Variants in CDH18 observed in about 807,000 individuals in gnomAD.
CDH18 encodes cadherin-18.
A neutral mutation model predicts 67.9 loss-of-function variants in CDH18; 31 were observed. The ratio of observed to expected loss-of-function variants is 0.46; its 90% CI spans 0.34 to 0.62. The LOEUF (loss-of-function observed/expected upper bound fraction) is 0.62, where lower values mean the gene tolerates loss of function less well. Ranked by LOEUF, CDH18 falls within the 20% of genes least tolerant of loss-of-function variation. CDH18 has a pLI of 0.01. For synonymous variants in CDH18, 362 were observed against 347.2 expected, an observed-to-expected ratio of 1.04 and a Z score of -0.48; for missense variants, 890 against 975.5, an observed-to-expected ratio of 0.91 and a Z score of 1.17.
At chr5:20,313,793 G>A (rs570094410) in intron 1 of CDH18, among the ~76,000 whole-genome samples, 1 of 152,064 alleles carries the variant, frequency 6.6e-6, no homozygotes, top group Non-Finnish European at 1.5e-5. Context: ...GTAGTTTACA[G>A]TTTTACACAC....
chr5:19,933,240 C>T (rs1793897876), intron 2 of CDH18, among the ~76,000 whole-genome samples: 1 of 151,532 alleles, frequency 6.6e-6, no homozygotes, highest in African/African-American at 2.4e-5. Flanking sequence ...CACATTTGCC[C>T]ACCTACTTAC....
chr5:19,919,292 C>A (rs1792177738), intron 2 of CDH18, among the ~76,000 whole-genome samples: 1 of 152,080 alleles, frequency 6.6e-6, no homozygotes, highest in Admixed American at 6.6e-5. Flanking sequence ...ATGTATAATA[C>A]ATAGGTCAAC....
chr5:19,953,827 C>T (rs1444599564), intron 2 of CDH18, among the ~76,000 whole-genome samples: 1 of 151,790 alleles, frequency 6.6e-6, no homozygotes, highest in Non-Finnish European at 1.5e-5. Flanking sequence ...TGTTTTCCTG[C>T]TTTAATTTTT....
chr5:19,702,488 G>A (rs574468864), intron 5 of CDH18, among the ~76,000 whole-genome samples: 110 of 151,692 alleles, frequency 7.3e-4, no homozygotes, highest in African/African-American at 2.3e-3. Flanking sequence ...CCTTTCAGCC[G>A]GGCGTGGTGG....
At chr5:20,092,078 C>T (rs1385921902) in intron 2 of CDH18, among the ~76,000 whole-genome samples, 1 of 152,026 alleles carries the variant, frequency 6.6e-6, no homozygotes. Flanking sequence ...AAGGTAATTG[C>T]ATTTTTTTTA....
Position 19,797,647 on chromosome 5 carries a change from T to A in CDH18, c.228+41112A>T, listed in dbSNP as rs137863321. 2.5e-3 allele frequency among the ~76,000 whole-genome samples: 384 copies of A among 152,078 alleles called. 1 individual carries two copies. Among genetic ancestry groups the A allele is most frequent in the Non-Finnish European group, 3.9e-3 (262 of 67,864 alleles). ...TGCACATAATGTTTTATGCACTGAA[T>A]GCTGAAAATTACAAAATACTAATGA... On this transcript the variant is annotated intron_variant, in intron 3 of 12. Transcript: ENST00000382275.
intron 4 of CDH18, among the ~76,000 whole-genome samples, chr5:19,726,357 G>A (rs562137216): frequency 6.6e-6 from 1 of 152,290 alleles, no homozygotes; most frequent in Non-Finnish European, 1.5e-5. Flanking sequence ...TGCACAGGAA[G>A]TCTCACACAA....
At chr5:19,497,978 C>T (rs973033352) in intron 11 of CDH18, among the ~76,000 whole-genome samples, 7 of 152,132 alleles carry the variant, frequency 4.6e-5, no homozygotes, top group African/African-American at 1.7e-4. Flanking sequence ...TTTTTACTTA[C>T]ATCACAGCAA....
chr5:20,522,509 G>A (rs1755809136), intron 1 of CDH18, among the ~76,000 whole-genome samples: 1 of 152,116 alleles, frequency 6.6e-6, no homozygotes, highest in Non-Finnish European at 1.5e-5. Context: ...CAGCAACAGT[G>A]CAGTTACATA....
chr5:20,130,064 T>TTAA, intron 2 of CDH18, among the ~76,000 whole-genome samples: 2 of 55,722 alleles, frequency 3.6e-5, no homozygotes, highest in Non-Finnish European at 1.1e-4. Context: ...GGCAATATTA[T>TTAA]TATTATTATT....
At chr5:20,126,662 A>G (rs1748856492) in intron 2 of CDH18, among the ~76,000 whole-genome samples, 1 of 152,216 alleles carries the variant, frequency 6.6e-6, no homozygotes, top group South Asian at 2.1e-4. Flanking sequence ...GGACTCAAAT[A>G]GACATTTCTC....
At chr5:19,747,338 T>C in intron 3 of CDH18, 102 bp from the exon 4 acceptor site, 1 of 991,068 alleles carries the variant, frequency 1.0e-6, no homozygotes, top group South Asian at 1.6e-5. Flanking sequence ...CTATGACTTT[T>C]CTTCCCTTTA....
chr5:19,997,946 G>C (rs146920558), intron 2 of CDH18, among the ~76,000 whole-genome samples: 67 of 152,216 alleles, frequency 4.4e-4, no homozygotes, highest in African/African-American at 1.4e-3. Flanking sequence ...AGCATGACAG[G>C]GTGTTTAAAG....
chr5:19,813,264 A>G (rs1209724970), intron 3 of CDH18, among the ~76,000 whole-genome samples: 4 of 152,176 alleles, frequency 2.6e-5, no homozygotes, highest in Admixed American at 6.6e-5. Flanking sequence ...TGTTCTGCAC[A>G]TGTAACCCAG....
chr5:19,656,243 A>T (rs916116569), intron 5 of CDH18, among the ~76,000 whole-genome samples: 1 of 152,038 alleles, frequency 6.6e-6, no homozygotes, highest in African/African-American at 2.4e-5. Flanking sequence ...ATCATATTCA[A>T]TTTGATTTTA....
At chr5:19,500,101 T>G (rs1182494806) in intron 11 of CDH18, among the ~76,000 whole-genome samples, 7 of 151,814 alleles carry the variant, frequency 4.6e-5, no homozygotes, top group Non-Finnish European at 8.8e-5. Flanking sequence ...TCTGTGGGCA[T>G]GTAAATGTCA....
At chr5:20,171,735 T>C (rs1691354289) in intron 2 of CDH18, among the ~76,000 whole-genome samples, 2 of 152,230 alleles carry the variant, frequency 1.3e-5, no homozygotes. Context: ...ATGCCATTTG[T>C]CAATTTTTCC....
intron 2 of CDH18, among the ~76,000 whole-genome samples, chr5:20,071,343 C>T (rs181698955): frequency 6.6e-5 from 10 of 152,014 alleles, no homozygotes; most frequent in Admixed American, 5.9e-4. Flanking sequence ...AAACTCCCCC[C>T]AAACAAGGAA....
At chr5:19,806,210 C>G (rs1778014358) in intron 3 of CDH18, among the ~76,000 whole-genome samples, 1 of 152,156 alleles carries the variant, frequency 6.6e-6, no homozygotes, top group African/African-American at 2.4e-5. Flanking sequence ...AAAGCCTTCC[C>G]TAAATTGATC....
Sources: gnomAD v4.1 joint callset for allele counts (sites outside exome capture counted in the v4.1 genomes callset) on GRCh38, gnomAD v4.1.1 for gene constraint, MANE v1.5 for transcripts, NCBI Gene and HGNC (gene_info 2026-07-23, HGNC 2026-07-21) for gene names.